SPATS2: variants seen among roughly 807,000 people sequenced by gnomAD.
SPATS2 encodes spermatogenesis-associated serine-rich protein 2.
SPATS2 carries 38 observed loss-of-function variants against 63.7 expected under a neutral mutation model. That is an observed-to-expected ratio of 0.60 (90% CI 0.46 to 0.78). SPATS2 has a LOEUF of 0.78. Among genes scored for constraint, SPATS2 ranks in the 30% least tolerant of loss-of-function variants. The pLI, the probability that SPATS2 is intolerant of heterozygous loss-of-function variation, is 0.00. For synonymous variants in SPATS2, 207 were observed against 232.9 expected (o/e 0.89, Z 1.01); for missense variants, 588 against 666.2 (o/e 0.88, Z 1.29).
intron 9 of SPATS2, among the ~76,000 whole-genome samples, chr12:49,508,590 T>A (rs1946692392): frequency 6.6e-6 from 1 of 152,178 alleles, no homozygotes. Flanking sequence ...ATTTTTATTT[T>A]GTTTTATTTT....
intron 4 of SPATS2, among the ~76,000 whole-genome samples, chr12:49,487,410 C>T (rs1946313509): frequency 1.3e-5 from 2 of 152,120 alleles, no homozygotes; most frequent in African/African-American, 4.8e-5. Flanking sequence ...ATTGCTTGAA[C>T]CTGGGAGGCA....
intron 2 of SPATS2, among the ~76,000 whole-genome samples, chr12:49,372,439 G>A (rs1456576077): frequency 1.3e-5 from 2 of 152,104 alleles, no homozygotes; most frequent in Non-Finnish European, 2.9e-5. Flanking sequence ...TGTATTGCTA[G>A]CAGGACACTT....
chr12:49,521,010 C>G (rs950656358), intron 11 of SPATS2, among the ~76,000 whole-genome samples: 1 of 152,174 alleles, frequency 6.6e-6, no homozygotes, highest in African/African-American at 2.4e-5. Context: ...TGAGCCACCA[C>G]GCCTGGCCAA....
At chr12:49,502,679 A>G (rs754313091) in intron 9 of SPATS2, among the ~76,000 whole-genome samples, 1 of 152,112 alleles carries the variant, frequency 6.6e-6, no homozygotes, top group Non-Finnish European at 1.5e-5. Context: ...CTGGTCTCCA[A>G]TTCCTGGGCC....
chr12:49,498,145 A>AAAAAAAAATATAT (rs66900382), intron 8 of SPATS2, among the ~76,000 whole-genome samples: 2 of 98,978 alleles, frequency 2.0e-5, no homozygotes, highest in African/African-American at 9.8e-5. Context: ...AAAAAAAAAA[A>AAAAAAAAATATAT]ATATATATAT....
chr12:49,380,471 C>T (rs7955792), intron 2 of SPATS2, among the ~76,000 whole-genome samples: 13,223 of 152,056 alleles, frequency 0.087, 642 homozygotes, highest in African/African-American at 0.12. Context: ...TTTGGGAGGC[C>T]GAGGTGGGCG....
chr12:49,453,138 T>C (rs1945654258), intron 2 of SPATS2, among the ~76,000 whole-genome samples: 1 of 142,262 alleles, frequency 7.0e-6, no homozygotes, highest in Non-Finnish European at 1.5e-5. Context: ...CCACCTGGGC[T>C]GCACAGAGCG....
chr12:49,399,764 GCGGTGGCTCA>G (rs1944573223), intron 2 of SPATS2, among the ~76,000 whole-genome samples: 1 of 152,206 alleles, frequency 6.6e-6, no homozygotes, highest in Non-Finnish European at 1.5e-5. Context: ...ATGGCCAGGC[GCGGTGGCTCA>G]TGCCTGTAAT....
intron 9 of SPATS2, among the ~76,000 whole-genome samples, chr12:49,500,774 AAAAAG>A (rs1946553185): frequency 6.6e-6 from 1 of 152,098 alleles, no homozygotes; most frequent in Admixed American, 6.5e-5. Context: ...TCTGTCTCAA[AAAAAG>A]AAAAGAAAAA....
At chr12:49,392,080 A>G (rs1393297198) in intron 2 of SPATS2, among the ~76,000 whole-genome samples, 1 of 152,238 alleles carries the variant, frequency 6.6e-6, no homozygotes, top group Admixed American at 6.5e-5. Flanking sequence ...CACAATTGAG[A>G]TTAAGTCTGA....
intron 3 of SPATS2, among the ~76,000 whole-genome samples, chr12:49,461,797 C>T (rs917683041): frequency 3.9e-5 from 6 of 151,990 alleles, no homozygotes; most frequent in Non-Finnish European, 8.8e-5. Context: ...ATTCAAAAAC[C>T]TTATAAGAAA....
At chr12:49,515,073 G>A (rs1946815821) in intron 10 of SPATS2, among the ~76,000 whole-genome samples, 1 of 152,162 alleles carries the variant, frequency 6.6e-6, no homozygotes, top group Non-Finnish European at 1.5e-5. Flanking sequence ...TTCACTCAGT[G>A]TCTGTTATCA....
intron 2 of SPATS2, among the ~76,000 whole-genome samples, chr12:49,393,963 G>A (rs189507526): frequency 7.9e-5 from 12 of 152,206 alleles, no homozygotes; most frequent in Admixed American, 3.3e-4. Flanking sequence ...GATTACATGC[G>A]TGAGCCACTG....
rs540311879 is a variant in SPATS2, at chr12:49,405,602, G to A, written c.-244+34312G>A. ...TAATCCCAGCTACTTGGGAGGCTGA[G>A]GCAGGAGAATCACTTGAACCCGGGA... On this transcript the variant is annotated intron_variant, in intron 2 of 13. Transcript: ENST00000552918. 2.0e-5 allele frequency among the ~76,000 whole-genome samples: 3 copies of A among 152,300 alleles called. No homozygotes were observed. The South Asian group carries it at 6.2e-4, about 32-fold the overall frequency.
At chr12:49,377,511 G>T (rs1289442051) in intron 2 of SPATS2, among the ~76,000 whole-genome samples, 1 of 152,028 alleles carries the variant, frequency 6.6e-6, no homozygotes, top group African/African-American at 2.4e-5. Context: ...TTTTCATTGG[G>T]CAGTAAAGCT....
At chr12:49,499,470 T>G (rs1448162378) in intron 8 of SPATS2, among the ~76,000 whole-genome samples, 2 of 151,446 alleles carry the variant, frequency 1.3e-5, no homozygotes, top group East Asian at 1.9e-4. Flanking sequence ...TTTGTTTTGT[T>G]TTTTTTTTGC....
intron 6 of SPATS2, among the ~76,000 whole-genome samples, chr12:49,494,258 T>A (rs1213209018): frequency 3.9e-5 from 6 of 152,224 alleles, no homozygotes; most frequent in Non-Finnish European, 7.3e-5. Flanking sequence ...AGTGTTAACA[T>A]ACTTTTTGAC....
chr12:49,410,705 C>A (rs537537796), intron 2 of SPATS2, among the ~76,000 whole-genome samples: 1 of 151,992 alleles, frequency 6.6e-6, no homozygotes, highest in Admixed American at 6.5e-5. Context: ...CTCACTGATA[C>A]GTTTATTCCT....
chr12:49,437,231 G>A (rs1273023790), intron 2 of SPATS2, among the ~76,000 whole-genome samples: 1 of 151,540 alleles, frequency 6.6e-6, no homozygotes, highest in Non-Finnish European at 1.5e-5. Flanking sequence ...ATCCCAGACG[G>A]GGCGGCAGGG....
Sources: allele counts gnomAD v4.1 joint callset (sites outside exome capture counted in the v4.1 genomes callset), GRCh38; gene constraint gnomAD v4.1.1; transcripts MANE v1.5; gene names NCBI Gene and HGNC (gene_info 2026-07-23, HGNC 2026-07-21).